The following ACTR10 variants were observed in gnomAD, a reference collection of about 807,000 sequenced individuals.
The protein encoded by ACTR10 is actin-related protein 10.
In ACTR10, 43 loss-of-function variants were observed where a neutral mutation model predicts 56.2. That is an observed-to-expected ratio of 0.77 (90% CI 0.60 to 0.99). The LOEUF is 0.99. ACTR10 is among the 50% of genes least tolerant of loss of function. The pLI is 0.00. For missense variants in ACTR10, 466 were observed against 507.8 expected, an observed-to-expected ratio of 0.92 and a Z score of 0.79; for synonymous variants, 170 against 176.3, an observed-to-expected ratio of 0.96 and a Z score of 0.28.
chr14:58,210,470 T>A (rs1952451481), intron 4 of ACTR10, among the ~76,000 whole-genome samples: 1 of 152,072 alleles, frequency 6.6e-6, no homozygotes, highest in South Asian at 2.1e-4. Context: ...CAATCCAGCC[T>A]GGGCAATGGA....
At chr14:58,229,071 A>G (rs1889469289) in intron 10 of ACTR10, among the ~76,000 whole-genome samples, 1 of 152,178 alleles carries the variant, frequency 6.6e-6, no homozygotes, top group African/African-American at 2.4e-5. Flanking sequence ...GCATTGGCAT[A>G]AAATATATGT....
At chr14:58,215,961 TTTTC>T (rs1278683571) in intron 7 of ACTR10, among the ~76,000 whole-genome samples, 9 of 151,642 alleles carry the variant, frequency 5.9e-5, no homozygotes, top group Admixed American at 3.3e-4. Context: ...CAGATCTCAT[TTTTC>T]TTTCTTTCTT....
At chr14:58,201,265 C>T (rs921985932) in intron 1 of ACTR10, among the ~76,000 whole-genome samples, 10 of 152,092 alleles carry the variant, frequency 6.6e-5, no homozygotes, top group Non-Finnish European at 1.3e-4. Context: ...TCTTATTGTT[C>T]TATGCGAGGC....
At chr14:58,203,055 A>T in intron 2 of ACTR10, 128 bp downstream of exon 2, 1 of 565,376 alleles carries the variant, frequency 1.8e-6, no homozygotes, top group Non-Finnish European at 3.0e-6. Context: ...TAATCCCAAC[A>T]CTTTGGGTGG....
At position 58,218,348 on chromosome 14, in the gene ACTR10, A is replaced by C. The variant is rs1001146657; in HGVS notation, c.599-1346A>C. On this transcript the variant is annotated intron_variant, in intron 7 of 12. Coordinates refer to ENST00000254286, the MANE Select transcript of ACTR10 (RefSeq NM_018477.3). ...ACTTAAAGATAGGAAATCTTCAAAA[A>C]TTTTTTATCATGTACTGGCCCCACA... is the stretch of plus-strand genomic sequence containing the variant. 1.4e-4 allele frequency among the ~76,000 whole-genome samples: 22 copies of C among 152,256 alleles called. No homozygotes were observed. In the East Asian group the frequency reaches 4.2e-3, roughly 29 times the overall value.
chr14:58,202,455 G>T (rs1888741845), intron 1 of ACTR10, among the ~76,000 whole-genome samples: 1 of 151,622 alleles, frequency 6.6e-6, no homozygotes, highest in Non-Finnish European at 1.5e-5. Flanking sequence ...GTGGTGGCCG[G>T]CACCTGTAGT....
In ACTR10 at chr14:58,215,382, T is replaced by A. The variant is rs536489105; in HGVS notation, c.598+98T>A. On this transcript the variant is annotated intron_variant, in intron 7 of 12. Coordinates refer to ENST00000254286, the MANE Select transcript of ACTR10 (RefSeq NM_018477.3). ...GCTCCATTGCATGATTATTCTCTTT[T>A]CTCCCCATGCCACTCTGATGGTACT... 1.3e-4 allele frequency: 93 copies of A among 711,288 alleles called. No individual in the cohort carries two copies. In the South Asian group the frequency reaches 1.7e-3, roughly 13 times the overall value. 44.1% of individuals were successfully genotyped at this position (711,288 alleles called of 1,614,324 possible). A position where few individuals can be genotyped will look rare whatever the true frequency, so the allele number is the denominator to read the frequency against.
At chr14:58,203,056 C>T (rs1165044913) in intron 2 of ACTR10, 129 bp downstream of exon 2, 2 of 556,678 alleles carry the variant, frequency 3.6e-6, no homozygotes, top group Non-Finnish European at 3.0e-6. Flanking sequence ...AATCCCAACA[C>T]TTTGGGTGGC....
chr14:58,213,627 A>C lies in ACTR10; in HGVS notation c.451-4A>C. 6.2e-7 allele frequency: 1 copy of C among 1,605,264 alleles called. No individual in the cohort carries two copies. Among genetic ancestry groups the C allele is most frequent in the Non-Finnish European group, 8.5e-7 (1 of 1,173,166 alleles). ...AAATAGTAGTATCCTTGACTACTCTATAGATATATGAAGGAATCCCAGTTC... is the reference window on the plus strand; with the variant it reads ...AAATAGTAGTATCCTTGACTACTCTCTAGATATATGAAGGAATCCCAGTTC... On this transcript the variant is annotated splice_polypyrimidine_tract_variant and splice_region_variant and intron_variant, in intron 5 of 12. Transcript: ENST00000254286.
At chr14:58,205,040 G>A (rs1214535028) in intron 2 of ACTR10, among the ~76,000 whole-genome samples, 2 of 152,040 alleles carry the variant, frequency 1.3e-5, no homozygotes, top group South Asian at 4.2e-4. Flanking sequence ...AACCAACAAG[G>A]AGAAACCCTA....
intron 11 of ACTR10, 22 bp from the exon 12 acceptor site, chr14:58,232,044 C>A (rs1889549093): frequency 2.6e-6 from 4 of 1,566,050 alleles, no homozygotes; most frequent in Non-Finnish European, 3.5e-6. Context: ...ATAAATCCTT[C>A]TTTTTTTCTT....
At chr14:58,218,716 A>G (rs1409780116) in intron 7 of ACTR10, among the ~76,000 whole-genome samples, 1 of 152,198 alleles carries the variant, frequency 6.6e-6, no homozygotes, top group African/African-American at 2.4e-5. Flanking sequence ...TGCTTATTAA[A>G]TAATGATTTA....
intron 10 of ACTR10, among the ~76,000 whole-genome samples, chr14:58,227,805 T>C (rs1407339096): frequency 6.6e-6 from 1 of 152,210 alleles, no homozygotes; most frequent in African/African-American, 2.4e-5. Flanking sequence ...ATGCATAATA[T>C]CCCAATTTTA....
chr14:58,217,758 C>G (rs1038372422), intron 7 of ACTR10, among the ~76,000 whole-genome samples: 6 of 151,932 alleles, frequency 3.9e-5, no homozygotes, highest in African/African-American at 1.5e-4. Flanking sequence ...CTGAGATATG[C>G]TTGAGTATTC....
chr14:58,209,720 T>G (rs1210807886), intron 4 of ACTR10, among the ~76,000 whole-genome samples: 1 of 152,196 alleles, frequency 6.6e-6, no homozygotes, highest in Non-Finnish European at 1.5e-5. Context: ...TTAAGATTAG[T>G]ATATTTCATA....
chr14:58,201,073 T>A (rs1293734430), intron 1 of ACTR10, among the ~76,000 whole-genome samples: 4 of 152,232 alleles, frequency 2.6e-5, no homozygotes, highest in African/African-American at 9.6e-5. Context: ...GGCAATTACA[T>A]CATATATGTA....
intron 4 of ACTR10, among the ~76,000 whole-genome samples, chr14:58,210,378 C>G (rs970299602): frequency 2.0e-5 from 3 of 152,030 alleles, no homozygotes; most frequent in African/African-American, 4.8e-5. Flanking sequence ...CACCTGTAGT[C>G]CCAGCTACTC....
At chr14:58,219,754 C>G in intron 8 of ACTR10, 25 bp downstream of exon 8, 1 of 1,477,816 alleles carries the variant, frequency 6.8e-7, no homozygotes, top group Non-Finnish European at 9.1e-7. Context: ...CATTTTTGTC[C>G]CTTTCATCCT....
At chr14:58,200,699 G>A (rs1034688967) in intron 1 of ACTR10, among the ~76,000 whole-genome samples, 8 of 152,188 alleles carry the variant, frequency 5.3e-5, no homozygotes, top group African/African-American at 1.7e-4. Flanking sequence ...ATTGAACGGA[G>A]TTTATTTTGG....
Sources: gnomAD v4.1 joint callset for allele counts (sites outside exome capture counted in the v4.1 genomes callset) on GRCh38, gnomAD v4.1.1 for gene constraint, MANE v1.5 for transcripts, NCBI Gene and HGNC (gene_info 2026-07-23, HGNC 2026-07-21) for gene names.